NOC2L: variants seen among roughly 807,000 people sequenced by gnomAD.
NOC2L encodes nucleolar complex protein 2 homolog.
A neutral mutation model predicts 94.2 loss-of-function variants in NOC2L; 101 were observed. The ratio of observed to expected loss-of-function variants is 1.07; its 90% CI spans 0.91 to 1.26. NOC2L has a LOEUF of 1.26. Among genes scored for constraint, NOC2L ranks in the 50% most tolerant of loss-of-function variants. The probability of loss-of-function intolerance (pLI) is 0.00; values close to 1 mark genes in which losing one functional copy is unlikely to be tolerated. For synonymous variants in NOC2L, 531 were observed against 413.4 expected (o/e 1.28, Z -3.45); for missense variants, 1,076 against 980.1 (o/e 1.10, Z -1.31).
intron 8 of NOC2L, 59 bp downstream of exon 8, chr1:953,723 G>T: frequency 2.4e-6 from 3 of 1,264,992 alleles, no homozygotes; most frequent in Admixed American, 1.7e-5. Flanking sequence ...ATGTGGTGGG[G>T]GTAGCCGTGT....
chr1:957,461 A>C lies in NOC2L; in HGVS notation c.180-188T>G, dbSNP rs1642442608. 4 of 601,448 alleles carry C rather than the reference A, an allele frequency of 6.7e-6. No individual in the cohort carries two copies. The South Asian group carries it at 8.0e-5, about 12-fold the overall frequency. The allele number at this position is 601,448 out of a possible 1,614,324, so 37.3% of individuals were successfully genotyped here. On this transcript the variant is annotated intron_variant, in intron 2 of 18. Coordinates refer to ENST00000327044, the MANE Select transcript of NOC2L (RefSeq NM_015658.4). The stretch of plus-strand genomic sequence containing the variant: ...TCTACAACATACCCTCAAACACACT[A>C]CACAGGCCCCCCAGCCGCGGTCTTC...
chr1:956,253 G>C, intron 4 of NOC2L, 38 bp from the exon 5 acceptor site: 2 of 1,607,682 alleles, frequency 1.2e-6, no homozygotes. Flanking sequence ...CAGGGGAGCT[G>C]AGACTGCACT....
Position 953,781 on chromosome 1 carries a change from C to T in NOC2L, c.888+1G>A. The T allele has an allele frequency of 6.2e-7, 1 of 1,609,840 alleles. No homozygotes were observed. Among genetic ancestry groups the T allele is most frequent in the South Asian group, 1.1e-5 (1 of 90,998 alleles). On this transcript the variant is annotated splice_donor_variant, in intron 8 of 18. Transcript: ENST00000327044. LOFTEE classifies it high-confidence loss of function. ...CACAGGGAGGGGACTGGGCCACGAACCTTGAGCAGCATGCGGCACTGCTTG... is the reference window on the plus strand; with the variant it reads ...CACAGGGAGGGGACTGGGCCACGAATCTTGAGCAGCATGCGGCACTGCTTG...
chr1:946,371 T>C (rs1431999377), intron 15 of NOC2L, 31 bp downstream of exon 15: 3 of 1,613,218 alleles, frequency 1.9e-6, no homozygotes, highest in Admixed American at 1.7e-5. Context: ...GCAGGTGCCC[T>C]CAGGTGGCAC....
At chr1:952,359 T>G in intron 10 of NOC2L, 53 bp downstream of exon 10, 2 of 1,594,492 alleles carry the variant, frequency 1.3e-6, no homozygotes, top group Non-Finnish European at 1.7e-6. Flanking sequence ...GTCGGGCACC[T>G]GGGCTGCCCC....
rs1372852540 is a variant in NOC2L, at chr1:952,557, G to A, written c.1046C>T (p.Pro349Leu). The A allele has an allele frequency of 6.2e-7, 1 of 1,613,924 alleles. No homozygotes were observed. Among genetic ancestry groups the A allele is most frequent in the South Asian group, 1.1e-5 (1 of 91,090 alleles). Residue 349 changes from proline (P) to leucine (L), a missense_variant, in exon 10 of 19, where the codon CCT (proline) becomes CTT (leucine). Transcript: ENST00000327044. Reference protein sequence around the residue: ...TYVRNCKFTSPGALPFISFMQ... With the variant: ...TYVRNCKFTSLGALPFISFMQ... ...GAAACTGATGAAGGGGAGGGCACCA[G>A]GCGAGGTGAACTTGCAGTTCCTCAC... is the stretch of plus-strand genomic sequence containing the variant.
In NOC2L at chr1:954,007, T is replaced by C. The variant is rs200405190; in HGVS notation, c.774A>G (p.Ile258Met). 1.2e-4 allele frequency: 200 copies of C among 1,605,748 alleles called. 1 individual carries two copies. Among genetic ancestry groups the C allele is most frequent in the Non-Finnish European group, 1.6e-4 (192 of 1,174,870 alleles). ...VDIKAYLGSA[I>M]QLVSCLSETT... is the part of the protein sequence containing the mutation. ...GCCCTCCCCACCAGAATAGCACCTG[T>C]ATGGCCGAGCCCAGGTAAGCCTTGA... is the stretch of plus-strand genomic sequence containing the variant. Residue 258 changes from isoleucine (I) to methionine (M), a missense_variant, in exon 7 of 19, where the codon ATA becomes ATG. Ile to Met is a conservative substitution (Grantham distance 10). This residue lies in a region of NOC2L where 457 missense variants were observed against 386.0 expected (regional missense o/e 1.18). Coordinates refer to ENST00000327044, the MANE Select transcript of NOC2L (RefSeq NM_015658.4).
chr1:958,633 A>G (rs533696635), intron 2 of NOC2L: 5 of 614,534 alleles, frequency 8.1e-6, no homozygotes, highest in Non-Finnish European at 1.5e-5. Flanking sequence ...CCCAGCACTT[A>G]TCTCTCTTCT....
At chr1:951,589 G>A (rs1642262024) in intron 11 of NOC2L, among the ~76,000 whole-genome samples, 4 of 152,194 alleles carry the variant, frequency 2.6e-5, no homozygotes, top group African/African-American at 7.2e-5. Context: ...AGAGGCCACA[G>A]TACTGCTCCC....
rs370704332 is a variant in NOC2L at position 945,008 on chromosome 1, C to T, written c.2143+49G>A. 1.4e-4 allele frequency: 222 copies of T among 1,613,116 alleles called. No individual in the cohort carries two copies. The South Asian group carries it at 2.0e-3, about 15-fold the overall frequency. On this transcript the variant is annotated intron_variant, in intron 18 of 18. Coordinates refer to ENST00000327044, the MANE Select transcript of NOC2L (RefSeq NM_015658.4). ...CCCCGCCCACGTGGCTCTGCCCTCCCGCCAGATGGGCTCACAGGGCCACAC... is the reference window on the plus strand; with the variant it reads ...CCCCGCCCACGTGGCTCTGCCCTCCTGCCAGATGGGCTCACAGGGCCACAC...
chr1:957,063 C>T, intron 3 of NOC2L, 36 bp downstream of exon 3: 1 of 1,614,018 alleles, frequency 6.2e-7, no homozygotes, highest in Non-Finnish European at 8.5e-7. Context: ...AGTGTAGAGA[C>T]AAGTGCCCCC....
At chr1:956,752 A>AGCCTCAGGC (rs1427575619) in intron 4 of NOC2L, 142 bp downstream of exon 4, 4 of 1,212,298 alleles carry the variant, frequency 3.3e-6, no homozygotes, top group Non-Finnish European at 4.7e-6. Context: ...CCACCAGCAC[A>AGCCTCAGGC]GCCTCAGGCG....
In NOC2L at chr1:944,458, C is replaced by G; in HGVS notation, c.*236G>C. ...CTGCTGACGTCAGGGTCAGCTCCCC[C>G]GCGGAGCTGACTTCAGCAGCCCACA... On this transcript the variant is annotated 3_prime_UTR_variant, in exon 19 of 19. Transcript: ENST00000327044. 2.4e-6 allele frequency: 2 copies of G among 828,880 alleles called. No individual in the cohort carries two copies. The highest frequency in any genetic ancestry group is 3.1e-5 in the East Asian group (1 of 32,472). 51.3% of individuals were successfully genotyped at this position (828,880 alleles called of 1,614,324 possible).
chr1:946,331 A>AC (rs1403253333), intron 15 of NOC2L, 45 bp from the exon 16 acceptor site: 9 of 1,611,312 alleles, frequency 5.6e-6, no homozygotes, highest in South Asian at 2.2e-5. Context: ...CCCTGGGCAA[A>AC]CCCCCACATG....
At position 953,897 on chromosome 1, in the gene NOC2L, G is replaced by A; in HGVS notation, c.778-5C>T. ...CTCCGACAGACAGGACACCAGCTGGGGGCAGGAGGGGACAGTGAAGCCCCA... is the reference window on the plus strand; with the variant it reads ...CTCCGACAGACAGGACACCAGCTGGAGGCAGGAGGGGACAGTGAAGCCCCA... On this transcript the variant is annotated splice_polypyrimidine_tract_variant and splice_region_variant and intron_variant, in intron 7 of 18. Coordinates refer to ENST00000327044, the MANE Select transcript of NOC2L (RefSeq NM_015658.4). The A allele has an allele frequency of 6.2e-7, 1 of 1,612,682 alleles. No individual in the cohort carries two copies. The highest frequency in any genetic ancestry group is 8.5e-7 in the Non-Finnish European group (1 of 1,179,556).
Position 945,050 on chromosome 1 carries a change from C to G in NOC2L, c.2143+7G>C, listed in dbSNP as rs1469348828. On this transcript the variant is annotated splice_region_variant and intron_variant, in intron 18 of 18. Coordinates refer to ENST00000327044, the MANE Select transcript of NOC2L (RefSeq NM_015658.4). ...GGGCCACACCCTCTCACCCCAAGACCATTCACCCTCCGAGTTGCTGCTGTC... is the reference window on the plus strand; with the variant it reads ...GGGCCACACCCTCTCACCCCAAGACGATTCACCCTCCGAGTTGCTGCTGTC... 6.2e-7 allele frequency: 1 copy of G among 1,614,148 alleles called. No individual in the cohort carries two copies. The highest frequency in any genetic ancestry group is 8.5e-7 in the Non-Finnish European group (1 of 1,179,984).
intron 2 of NOC2L, 181 bp from the exon 3 acceptor site, chr1:957,454 A>G: frequency 1.6e-6 from 1 of 610,618 alleles, no homozygotes; most frequent in East Asian, 2.8e-5. Context: ...ATACCCTCAA[A>G]CACACTACAC....
At chr1:958,263 T>G (rs1452871613) in intron 2 of NOC2L, 1 of 165,856 alleles carries the variant, frequency 6.0e-6, no homozygotes, top group Non-Finnish European at 1.3e-5. Flanking sequence ...TTCTTTCTTT[T>G]TCTTTTTGAG....
At position 946,185 on chromosome 1, in the gene NOC2L, A is replaced by G. The variant is rs767855497; in HGVS notation, c.1905T>C (p.Ser635=). Residue 635 remains serine, a synonymous_variant, in exon 16 of 19, where the codon AGT becomes AGC. Transcript: ENST00000327044. ...LRDREIQLEI[S]GKERLEDLNF... ...CGCCGAGCCGCACCCGCTCTTTGCCACTGATCTCCAGCTGGATCTCCCGGT... is the reference window on the plus strand; with the variant it reads ...CGCCGAGCCGCACCCGCTCTTTGCCGCTGATCTCCAGCTGGATCTCCCGGT... 1.9e-6 allele frequency: 3 copies of G among 1,611,100 alleles called. No homozygotes were observed. The highest frequency in any genetic ancestry group is 2.5e-6 in the Non-Finnish European group (3 of 1,177,976).
Sources: allele counts gnomAD v4.1 joint callset (sites outside exome capture counted in the v4.1 genomes callset), GRCh38; gene constraint gnomAD v4.1.1; regional missense constraint gnomAD v4.1.1; transcripts MANE v1.5; gene names NCBI Gene and HGNC (gene_info 2026-07-23, HGNC 2026-07-21).